The following DEPDC5 variants were observed in gnomAD, a reference collection of about 807,000 sequenced individuals.
DEPDC5 encodes the protein GATOR1 complex protein DEPDC5.
In DEPDC5, 73 loss-of-function variants were observed where a neutral mutation model predicts 217.3. The observed-to-expected ratio is 0.34, with a 90% confidence interval of 0.28 to 0.41. The LOEUF is 0.41. Among genes scored for constraint, DEPDC5 ranks in the 10% least tolerant of loss-of-function variants. DEPDC5 has a pLI of 1.00. For missense variants in DEPDC5, 1,675 were observed against 2,070.1 expected, an observed-to-expected ratio of 0.81 and a Z score of 3.70; for synonymous variants, 733 against 756.7, an observed-to-expected ratio of 0.97 and a Z score of 0.51.
At chr22:31,820,112 T>TTG (rs3069112) in intron 22 of DEPDC5, among the ~76,000 whole-genome samples, 17,060 of 151,406 alleles carry the variant, frequency 0.11, 1,016 homozygotes, top group Admixed American at 0.14. Flanking sequence ...CTCCAGGATT[T>TTG]TGTGTGTGTG....
At chr22:31,758,384 TG>T in intron 2 of DEPDC5, 161 bp from the exon 3 acceptor site, 1 of 637,192 alleles carries the variant, frequency 1.6e-6, no homozygotes, top group Non-Finnish European at 2.9e-6. Context: ...TTGGTGTTCC[TG>T]TGTGAATCCA....
intron 30 of DEPDC5, 25 bp from the exon 31 acceptor site, chr22:31,846,809 C>A (rs2091762680): frequency 6.2e-7 from 1 of 1,614,106 alleles, no homozygotes; most frequent in Non-Finnish European, 8.5e-7. Context: ...TGGCTGATGG[C>A]CTTGTCTCCT....
At chr22:31,869,225 G>A (rs1267944170) in intron 33 of DEPDC5, among the ~76,000 whole-genome samples, 3 of 149,788 alleles carry the variant, frequency 2.0e-5, no homozygotes, top group African/African-American at 7.4e-5. Flanking sequence ...GCAAAAGAGG[G>A]CAACCCTGTC....
At chr22:31,827,850 A>G (rs1046281014) in intron 24 of DEPDC5, among the ~76,000 whole-genome samples, 2 of 152,228 alleles carry the variant, frequency 1.3e-5, no homozygotes, top group South Asian at 4.2e-4. Flanking sequence ...TTTGCCCAAG[A>G]CAGTCCTGGT....
chr22:31,777,427 A>ATT (rs35822414), intron 7 of DEPDC5, among the ~76,000 whole-genome samples: 12 of 144,282 alleles, frequency 8.3e-5, no homozygotes, highest in Admixed American at 2.1e-4. Flanking sequence ...CGCCCAGCTA[A>ATT]TTTTTTTTTT....
In DEPDC5 at chr22:31,791,824, G is replaced by A. The variant is rs145973982; in HGVS notation, c.625-209G>A. 0.011 allele frequency among the ~76,000 whole-genome samples: 1,683 copies of A among 150,084 alleles called. 30 individuals are homozygous for A. The highest frequency in any genetic ancestry group is 0.038 in the African/African-American group (1,548 of 40,734). ...CGTCTGTAGTCCCAGCTACTTGGGA[G>A]GCTGAGGCAGGAGAATTGCTTGAAC... On this transcript the variant is annotated intron_variant, in intron 10 of 42. Coordinates refer to ENST00000651528, the MANE Select transcript of DEPDC5 (RefSeq NM_001242896.3).
At chr22:31,888,438 G>A (rs937026960) in intron 38 of DEPDC5, among the ~76,000 whole-genome samples, 2 of 151,628 alleles carry the variant, frequency 1.3e-5, no homozygotes, top group African/African-American at 4.9e-5. Flanking sequence ...TTTTAATAGA[G>A]ATGTGGTTTC....
chr22:31,829,688 A>G (rs1302228430), intron 24 of DEPDC5, among the ~76,000 whole-genome samples: 1 of 152,148 alleles, frequency 6.6e-6, no homozygotes, highest in Non-Finnish European at 1.5e-5. Context: ...TCACAGGAGT[A>G]TCATCTCTGT....
chr22:31,766,272 A>G (rs1039655442), intron 5 of DEPDC5, among the ~76,000 whole-genome samples: 2 of 152,248 alleles, frequency 1.3e-5, no homozygotes, highest in South Asian at 4.1e-4. Flanking sequence ...TGACATTAAT[A>G]GGGAAATAAA....
chr22:31,809,067 C>CTTTA (rs1006678277), intron 18 of DEPDC5, among the ~76,000 whole-genome samples: 4 of 152,034 alleles, frequency 2.6e-5, no homozygotes, highest in Admixed American at 2.0e-4. Flanking sequence ...TGTGCCTGGC[C>CTTTA]TTTATTTATT....
At chr22:31,761,008 G>A (rs1172512341) in intron 4 of DEPDC5, among the ~76,000 whole-genome samples, 1 of 148,928 alleles carries the variant, frequency 6.7e-6, no homozygotes. Flanking sequence ...CTGAGACAGT[G>A]TCTTGTTCTG....
chr22:31,769,338 A>G (rs2083123154), intron 7 of DEPDC5: 1 of 152,054 alleles, frequency 6.6e-6, no homozygotes, highest in South Asian at 2.1e-4. Flanking sequence ...AGGCTTATTA[A>G]TGGAAAAAGT....
intron 10 of DEPDC5, among the ~76,000 whole-genome samples, chr22:31,787,500 A>G (rs1271450332): frequency 1.3e-5 from 2 of 152,164 alleles, no homozygotes; most frequent in South Asian, 4.1e-4. Flanking sequence ...TTGTGCATCA[A>G]CGGACATTGT....
At chr22:31,862,096 G>T (rs948664575) in intron 33 of DEPDC5, among the ~76,000 whole-genome samples, 1 of 152,072 alleles carries the variant, frequency 6.6e-6, no homozygotes, top group Admixed American at 6.5e-5. Flanking sequence ...CAAAAAATTA[G>T]CTGGGCGTGG....
At position 31,776,361 on chromosome 22, in the gene DEPDC5, C is replaced by G. The variant is rs559885663; in HGVS notation, c.414-1738C>G. On this transcript the variant is annotated intron_variant, in intron 7 of 42. Transcript: ENST00000651528. ...TCCTGGGCTCAAGCAATCTGCCAAC[C>G]TTGGCCTTCCAAAGTGTTGTGATTA... is the stretch of plus-strand genomic sequence containing the variant. 3.3e-5 allele frequency among the ~76,000 whole-genome samples: 5 copies of G among 152,116 alleles called. No homozygotes were observed. In the East Asian group the frequency reaches 9.8e-4, roughly 30 times the overall value.
At chr22:31,879,065 T>TATAC (rs1353634769) in intron 37 of DEPDC5, among the ~76,000 whole-genome samples, 1 of 137,632 alleles carries the variant, frequency 7.3e-6, no homozygotes, top group Non-Finnish European at 1.5e-5. Flanking sequence ...TATATATATA[T>TATAC]ATACACACAC....
At chr22:31,767,893 C>T (rs867183358) in intron 6 of DEPDC5, among the ~76,000 whole-genome samples, 9 of 151,410 alleles carry the variant, frequency 5.9e-5, no homozygotes, top group African/African-American at 1.9e-4. Context: ...TTACAGGCGC[C>T]CGCCACCACA....
intron 27 of DEPDC5, 150 bp from the exon 28 acceptor site, chr22:31,842,944 TG>T: frequency 1.5e-6 from 1 of 653,782 alleles, no homozygotes; most frequent in Admixed American, 3.4e-5. Context: ...GTTTTTTGTT[TG>T]TTTTTTTTAA....
At position 31,838,746 on chromosome 22, in the gene DEPDC5, C is replaced by T. The variant is rs953743301; in HGVS notation, c.2416C>T (p.Arg806Cys). ...GGTATTTGAAGAGTTTATTTGCCAA[C>T]GTCTCATGCAGGGCTACCAAATCAT... ...QQVFEEFICQ[R>C]LMQGYQIIVQ... The change falls in exon 27 of 43, where the codon CGT becomes TGT. Residue 806 changes from arginine to cysteine, a missense_variant. Arg to Cys is a radical substitution (Grantham distance 180). This residue lies in a region of DEPDC5 where 293 missense variants were observed against 386.1 expected (regional missense o/e 0.76). Coordinates refer to ENST00000651528, the MANE Select transcript of DEPDC5 (RefSeq NM_001242896.3). 7 of 1,614,130 alleles carry T rather than the reference C, an allele frequency of 4.3e-6. No individual in the cohort carries two copies. The highest frequency in any genetic ancestry group is 1.6e-4 in the Middle Eastern group (1 of 6,062).
Sources: allele counts gnomAD v4.1 joint callset (sites outside exome capture counted in the v4.1 genomes callset), GRCh38; gene constraint gnomAD v4.1.1; regional missense constraint gnomAD v4.1.1; transcripts MANE v1.5; gene names NCBI Gene and HGNC (gene_info 2026-07-23, HGNC 2026-07-21).